Variants in OR51B5 observed in about 807,000 individuals in gnomAD.
OR51B5 encodes the protein olfactory receptor 51B5.
For synonymous variants in OR51B5, 186 were observed against 144.8 expected (o/e 1.28, Z -2.04); for missense variants, 456 against 374.6 (o/e 1.22, Z -1.79).
chr11:5,466,420 G>T (rs77453102), intron 1 of OR51B5, among the ~76,000 whole-genome samples: 3 of 152,130 alleles, frequency 2.0e-5, no homozygotes, highest in African/African-American at 7.2e-5. Flanking sequence ...CTGTGGAAAT[G>T]AAAGGACGCA....
At chr11:5,416,047 A>T (rs2133755049) in intron 1 of OR51B5, among the ~76,000 whole-genome samples, 1 of 148,686 alleles carries the variant, frequency 6.7e-6, no homozygotes, top group South Asian at 2.3e-4. Context: ...GGCAAAACGA[A>T]TCCAGCAGCA....
intron 1 of OR51B5, among the ~76,000 whole-genome samples, chr11:5,430,394 C>A (rs148574539): frequency 6.6e-6 from 1 of 152,276 alleles, no homozygotes; most frequent in African/African-American, 2.4e-5. Flanking sequence ...AAATCCATTA[C>A]TTCTGCCCCA....
intron 1 of OR51B5, among the ~76,000 whole-genome samples, chr11:5,500,802 T>C (rs540417141): frequency 2.0e-5 from 3 of 148,280 alleles, no homozygotes; most frequent in African/African-American, 7.3e-5. Context: ...CTTTTTGCCT[T>C]TAAAAGTTTC....
intron 1 of OR51B5, among the ~76,000 whole-genome samples, chr11:5,493,481 G>A (rs1007728883): frequency 1.3e-5 from 2 of 152,118 alleles, no homozygotes; most frequent in African/African-American, 4.8e-5. Flanking sequence ...TCAACTCCGA[G>A]AATCAGAGCT....
At chr11:5,375,506 A>G (rs1051316127) in intron 1 of OR51B5, among the ~76,000 whole-genome samples, 1 of 152,174 alleles carries the variant, frequency 6.6e-6, no homozygotes, top group Non-Finnish European at 1.5e-5. Flanking sequence ...AAATGGACTA[A>G]GTGCTCCAAT....
intron 1 of OR51B5, among the ~76,000 whole-genome samples, chr11:5,465,170 CA>C (rs1851120026): frequency 1.5e-5 from 2 of 132,040 alleles, no homozygotes; most frequent in South Asian, 4.9e-4. Context: ...CCCGCCACTG[CA>C]CTCCAGCCTG....
chr11:5,400,849 T>C (rs1288928061), intron 1 of OR51B5, among the ~76,000 whole-genome samples: 1 of 152,224 alleles, frequency 6.6e-6, no homozygotes, highest in Non-Finnish European at 1.5e-5. Flanking sequence ...AACTTCATAA[T>C]AACCATTACG....
intron 1 of OR51B5, among the ~76,000 whole-genome samples, chr11:5,397,159 C>T (rs1849887648): frequency 1.3e-5 from 2 of 152,282 alleles, no homozygotes; most frequent in Middle Eastern, 3.4e-3. Flanking sequence ...GACTTCATGT[C>T]TAAAACACCA....
intron 1 of OR51B5, among the ~76,000 whole-genome samples, chr11:5,404,532 ATCAGT>A (rs1850030894): frequency 6.6e-6 from 1 of 152,162 alleles, no homozygotes; most frequent in African/African-American, 2.4e-5. Flanking sequence ...AAATGGACCA[ATCAGT>A]GCTCTGTAAA....
At chr11:5,346,438 G>A (rs767923861), upstream of OR51B5, 1 of 152,120 alleles carries the variant, frequency 6.6e-6, no homozygotes, top group East Asian at 1.9e-4. Flanking sequence ...ACTGAGGATA[G>A]AAGCAAGAAG....
chr11:5,484,600 A>G (rs371614155), intron 1 of OR51B5, among the ~76,000 whole-genome samples: 8 of 152,136 alleles, frequency 5.3e-5, no homozygotes, highest in Non-Finnish European at 1.0e-4. Flanking sequence ...ATAATATCTA[A>G]TTTTATATAG....
chr11:5,457,693 T>A (rs546898834), intron 1 of OR51B5, among the ~76,000 whole-genome samples: 2 of 152,330 alleles, frequency 1.3e-5, no homozygotes, highest in South Asian at 4.1e-4. Context: ...CTCATTGAGG[T>A]TTTCATTTGC....
chr11:5,354,655 G>A (rs1256198646), intron 1 of OR51B5: 2 of 160,336 alleles, frequency 1.2e-5, no homozygotes. Context: ...CAGCCACACT[G>A]AGCGCTCAGC....
intron 1 of OR51B5, chr11:5,440,998 C>A: frequency 1.2e-6 from 2 of 1,613,954 alleles, no homozygotes; most frequent in Non-Finnish European, 1.7e-6. Flanking sequence ...AAAACATTGC[C>A]TTTGCAGAAG....
chr11:5,357,269 G>T (rs1849208469), intron 1 of OR51B5, among the ~76,000 whole-genome samples: 1 of 151,962 alleles, frequency 6.6e-6, no homozygotes, highest in Non-Finnish European at 1.5e-5. Context: ...CAAAATAAAG[G>T]GATGGAGGAA....
intron 1 of OR51B5, among the ~76,000 whole-genome samples, chr11:5,414,496 TAA>T (rs1413722873): frequency 2.0e-5 from 3 of 151,824 alleles, no homozygotes; most frequent in African/African-American, 4.8e-5. Context: ...GCAAATTGGA[TAA>T]AGAGTCAAGA....
At chr11:5,505,298 T>C in intron 1 of OR51B5, 4 of 1,297,516 alleles carry the variant, frequency 3.1e-6, no homozygotes, top group East Asian at 5.6e-5. Flanking sequence ...AGGATGGAAA[T>C]TTGGGGTTCA....
At chr11:5,423,374 T>C (rs1850388408) in intron 1 of OR51B5, among the ~76,000 whole-genome samples, 1 of 152,188 alleles carries the variant, frequency 6.6e-6, no homozygotes, top group African/African-American at 2.4e-5. Context: ...TAGCACATCT[T>C]AGCAGCTATC....
Position 5,437,789 on chromosome 11 carries a change from A to G in OR51B5, n.84+67780T>C, listed in dbSNP as rs114306180. Among the ~76,000 whole-genome samples the G allele has an allele frequency of 2.4e-3, 360 of 152,248 alleles. 1 individual carries two copies. The highest frequency in any genetic ancestry group is 8.2e-3 in the African/African-American group (339 of 41,556). Reference sequence around the variant, plus strand: ...GTCTCCCAAACAGATTCTTTTTCCCAACACCTGAACTTCCCATTAAATAAT... The same window carrying G: ...GTCTCCCAAACAGATTCTTTTTCCCGACACCTGAACTTCCCATTAAATAAT... On this transcript the variant is annotated intron_variant and non_coding_transcript_variant, in intron 1 of 4. Coordinates refer to the OR51B5 transcript ENST00000415970.
Sources: allele counts gnomAD v4.1 joint callset (sites outside exome capture counted in the v4.1 genomes callset), GRCh38; gene constraint gnomAD v4.1.1; transcripts MANE v1.5; gene names NCBI Gene and HGNC (gene_info 2026-07-23, HGNC 2026-07-21).